The following CDK14 variants were observed in gnomAD, a reference collection of about 807,000 sequenced individuals.
CDK14 encodes the protein cyclin-dependent kinase 14.
CDK14 carries 34 observed loss-of-function variants against 60.7 expected under a neutral mutation model. That is an observed-to-expected ratio of 0.56 (90% CI 0.43 to 0.75). The LOEUF is 0.75. CDK14 is among the 30% of genes least tolerant of loss of function. CDK14 has a pLI of 0.00. For missense variants in CDK14, 482 were observed against 564.1 expected (o/e 0.85, Z 1.47); for synonymous variants, 197 against 203.7 (o/e 0.97, Z 0.28).
intron 14 of CDK14, among the ~76,000 whole-genome samples, chr7:91,180,544 G>C (rs1425096234): frequency 6.6e-6 from 1 of 152,190 alleles, no homozygotes; most frequent in Non-Finnish European, 1.5e-5. Context: ...GATTGAGTAG[G>C]ATTACGGGCG....
intron 6 of CDK14, among the ~76,000 whole-genome samples, chr7:90,872,133 T>A (rs1791389471): frequency 6.6e-6 from 1 of 152,234 alleles, no homozygotes; most frequent in Non-Finnish European, 1.5e-5. Context: ...AGAACTGTGA[T>A]CTTAGACGAG....
chr7:90,637,004 G>A (rs544409603), intron 2 of CDK14, among the ~76,000 whole-genome samples: 36 of 151,516 alleles, frequency 2.4e-4, no homozygotes, highest in African/African-American at 7.3e-4. Context: ...TTTTTATTGC[G>A]TCTATTTGAT....
rs189769356 is a variant in CDK14 at position 91,113,726 on chromosome 7, A to G, written c.1294+1045A>G. On this transcript the variant is annotated intron_variant, in intron 13 of 14. Transcript: ENST00000380050. ...GGATTTTAGACTTCTTTCATCCATC[A>G]TAATATTGGATTCTCCTTGATGGCA... Among the ~76,000 whole-genome samples, 243 of 152,280 alleles carry G rather than the reference A, an allele frequency of 1.6e-3. 1 individual carries two copies. Among genetic ancestry groups the G allele is most frequent in the African/African-American group, 5.4e-3 (226 of 41,564 alleles).
At position 90,640,294 on chromosome 7, in the gene CDK14, A is replaced by G. The variant is rs17869310; in HGVS notation, c.123+36045A>G. Among the ~76,000 whole-genome samples, 900 of 152,258 alleles carry G rather than the reference A, an allele frequency of 5.9e-3. 7 individuals carry two copies. Among genetic ancestry groups the G allele is most frequent in the African/African-American group, 0.019 (785 of 41,560 alleles). ...CCTCTCTTCCTTATGTTTAATAACT[A>G]TCACAGTAAACACGCTTTTTGTTTA... On this transcript the variant is annotated intron_variant, in intron 2 of 14. Coordinates refer to ENST00000380050, the MANE Select transcript of CDK14 (RefSeq NM_001287135.2).
rs935447762 is a variant in CDK14 at position 90,966,448 on chromosome 7, A to T, written c.947+10631A>T. On this transcript the variant is annotated intron_variant, in intron 9 of 14. Coordinates refer to ENST00000380050, the MANE Select transcript of CDK14 (RefSeq NM_001287135.2). ...GGTTGGGAGATCCTCAGATGTCAGT[A>T]TCTGAAGGCTTTTTCTTTGTTCCTC... Among the ~76,000 whole-genome samples, 181 of 152,338 alleles carry T rather than the reference A, an allele frequency of 1.2e-3. 2 individuals carry two copies. The highest frequency in any genetic ancestry group is 4.0e-3 in the African/African-American group (166 of 41,576).
rs1799190423 is a variant in CDK14, at chr7:90,596,590, C to T, written c.-38C>T. On this transcript the variant is annotated 5_prime_UTR_variant, in exon 1 of 15. Coordinates refer to ENST00000380050, the MANE Select transcript of CDK14 (RefSeq NM_001287135.2). ...CGCCGTTGTCTGAGCTGTGCCTGGACCAGTTTGGGGAAGTTGTCGGGGCTC... is the reference window on the plus strand; with the variant it reads ...CGCCGTTGTCTGAGCTGTGCCTGGATCAGTTTGGGGAAGTTGTCGGGGCTC... 6 of 1,570,632 alleles carry T rather than the reference C, an allele frequency of 3.8e-6. No homozygotes were observed. Among genetic ancestry groups the T allele is most frequent in the African/African-American group, 1.4e-5 (1 of 74,054 alleles).
At position 90,832,721 on chromosome 7, in the gene CDK14, T is replaced by C. The variant is rs370228133; in HGVS notation, c.545-30454T>C. On this transcript the variant is annotated intron_variant, in intron 5 of 14. Transcript: ENST00000380050. ...ATGCAGGAAACACTTTTCCTCTACA[T>C]TATCTTAAGCATGTGTGTGGGCCGG... Among the ~76,000 whole-genome samples the C allele has an allele frequency of 8.6e-4, 131 of 152,350 alleles. 1 individual carries two copies. The highest frequency in any genetic ancestry group is 3.1e-3 in the African/African-American group (128 of 41,588).
intron 12 of CDK14, among the ~76,000 whole-genome samples, chr7:91,099,044 T>A (rs943679187): frequency 6.6e-6 from 1 of 152,190 alleles, no homozygotes; most frequent in Non-Finnish European, 1.5e-5. Flanking sequence ...TACAAAATTA[T>A]GCCTTTCAAG....
chr7:90,919,031 A>G (rs1447177442), intron 8 of CDK14, among the ~76,000 whole-genome samples: 1 of 152,164 alleles, frequency 6.6e-6, no homozygotes, highest in Non-Finnish European at 1.5e-5. Flanking sequence ...GGCTGGGTAT[A>G]AAATCTTTTT....
chr7:90,801,197 T>C (rs1018867436), intron 5 of CDK14, among the ~76,000 whole-genome samples: 2 of 152,174 alleles, frequency 1.3e-5, no homozygotes, highest in Admixed American at 6.5e-5. Context: ...GGGACCTGCA[T>C]TGGACCTTTG....
intron 10 of CDK14, among the ~76,000 whole-genome samples, chr7:91,028,983 A>T (rs1796681589): frequency 1.1e-4 from 16 of 151,726 alleles, no homozygotes; most frequent in Admixed American, 1.0e-3. Flanking sequence ...ATTTATTTTT[A>T]TTTTTGTCAC....
chr7:90,933,801 T>G (rs1297794284), intron 8 of CDK14, among the ~76,000 whole-genome samples: 2 of 152,234 alleles, frequency 1.3e-5, no homozygotes, highest in African/African-American at 4.8e-5. Context: ...ACTAGTAACA[T>G]TCCAGAAGAC....
intron 10 of CDK14, among the ~76,000 whole-genome samples, chr7:91,003,612 A>G (rs1357583884): frequency 2.0e-5 from 3 of 152,156 alleles, no homozygotes; most frequent in East Asian, 3.9e-4. Context: ...TCTACATAGT[A>G]GAAGCTGGGT....
At chr7:90,709,595 C>G in intron 2 of CDK14, 1 of 1,612,696 alleles carries the variant, frequency 6.2e-7, no homozygotes, top group African/African-American at 1.3e-5. Context: ...ACTCTGCCTT[C>G]GTGGGAACTC....
chr7:91,159,863 G>C (rs1801113222), intron 14 of CDK14, among the ~76,000 whole-genome samples: 1 of 152,204 alleles, frequency 6.6e-6, no homozygotes, highest in African/African-American at 2.4e-5. Context: ...CTCAGTCATG[G>C]ATGGTGAGGG....
At chr7:90,658,553 T>C (rs1241689282) in intron 2 of CDK14, among the ~76,000 whole-genome samples, 3 of 152,242 alleles carry the variant, frequency 2.0e-5, no homozygotes, top group Non-Finnish European at 2.9e-5. Flanking sequence ...GATCTTAGCA[T>C]CCACTGTATG....
At chr7:91,037,249 C>A (rs1057255039) in intron 10 of CDK14, among the ~76,000 whole-genome samples, 2 of 152,164 alleles carry the variant, frequency 1.3e-5, no homozygotes, top group Non-Finnish European at 2.9e-5. Flanking sequence ...CAGAATACTA[C>A]ACATCCCTTC....
chr7:90,809,859 A>G (rs1474933901), intron 5 of CDK14, among the ~76,000 whole-genome samples: 2 of 152,218 alleles, frequency 1.3e-5, no homozygotes, highest in Non-Finnish European at 2.9e-5. Context: ...CAAATAAACT[A>G]GAAAATCTAG....
At chr7:90,678,475 C>T (rs1250649682) in intron 2 of CDK14, among the ~76,000 whole-genome samples, 3 of 152,120 alleles carry the variant, frequency 2.0e-5, no homozygotes, top group Non-Finnish European at 4.4e-5. Flanking sequence ...CTGTGGATGT[C>T]CTGAGGGTGA....
Sources: gnomAD v4.1 joint callset for allele counts (sites outside exome capture counted in the v4.1 genomes callset) on GRCh38, gnomAD v4.1.1 for gene constraint, MANE v1.5 for transcripts, NCBI Gene and HGNC (gene_info 2026-07-23, HGNC 2026-07-21) for gene names.